FARS2: variants seen among roughly 807,000 people sequenced by gnomAD.
The protein encoded by FARS2 is phenylalanine--tRNA ligase, mitochondrial.
A neutral mutation model predicts 46.4 loss-of-function variants in FARS2; 40 were observed. The ratio of observed to expected loss-of-function variants is 0.86; its 90% CI spans 0.67 to 1.12. FARS2 has a LOEUF of 1.12. Ranked by LOEUF, FARS2 falls within the 50% of genes most tolerant of loss-of-function variation. The pLI is 0.00. For synonymous variants in FARS2, 234 were observed against 214.9 expected (o/e 1.09, Z -0.78); for missense variants, 513 against 567.9 (o/e 0.90, Z 0.98).
upstream of FARS2, among the ~76,000 whole-genome samples, chr6:5,260,009 G>C (rs181812741): frequency 6.6e-6 from 1 of 152,174 alleles, no homozygotes; most frequent in Admixed American, 6.5e-5. Flanking sequence ...TGTGAGTTTA[G>C]GCCCTCAATA....
At position 5,535,548 on chromosome 6, in the gene FARS2, C is replaced by T. The variant is rs1403022048; in HGVS notation, c.905-9632C>T. ...GTTACAACTTTTAGTGCTATACTGA[C>T]TAGTAGCGGTGACTGTGAGCATCTT... On this transcript the variant is annotated intron_variant, in intron 4 of 6. Coordinates refer to ENST00000274680, the MANE Select transcript of FARS2 (RefSeq NM_006567.5). Among the ~76,000 whole-genome samples, 3 of 152,266 alleles carry T rather than the reference C, an allele frequency of 2.0e-5. No homozygotes were observed. In the East Asian group the frequency reaches 5.8e-4, roughly 29 times the overall value.
Position 5,481,424 on chromosome 6 carries a change from CAG to C in FARS2, c.904+50253_904+50254del, listed in dbSNP as rs1385196035. Among the ~76,000 whole-genome samples, 3 of 152,210 alleles carry C rather than the reference CAG, an allele frequency of 2.0e-5. No homozygotes were observed. The South Asian group carries it at 6.2e-4, about 32-fold the overall frequency. ...CACATTGCAAGCTGTCCATTGGACA[CAG>C]GGCAAGTTGTAATTACTACCACAGT... On this transcript the variant is annotated intron_variant, in intron 4 of 6. Transcript: ENST00000274680.
intron 6 of FARS2, among the ~76,000 whole-genome samples, chr6:5,742,695 G>A (rs755061314): frequency 1.3e-5 from 2 of 151,808 alleles, no homozygotes; most frequent in Non-Finnish European, 1.5e-5. Flanking sequence ...TGCTTTTTGA[G>A]TGTCTGAAAA....
At chr6:5,494,274 C>T (rs2150367006) in intron 4 of FARS2, among the ~76,000 whole-genome samples, 1 of 152,178 alleles carries the variant, frequency 6.6e-6, no homozygotes, top group South Asian at 2.1e-4. Flanking sequence ...ACCATAATAC[C>T]TTCAAAGAAA....
At chr6:5,505,800 C>T (rs1768066892) in intron 4 of FARS2, among the ~76,000 whole-genome samples, 1 of 152,178 alleles carries the variant, frequency 6.6e-6, no homozygotes, top group African/African-American at 2.4e-5. Context: ...AGAATGAAAA[C>T]AGTATGTTTG....
At chr6:5,550,293 A>G (rs768123881) in intron 5 of FARS2, among the ~76,000 whole-genome samples, 1 of 152,110 alleles carries the variant, frequency 6.6e-6, no homozygotes, top group Non-Finnish European at 1.5e-5. Context: ...TTATTTATTT[A>G]TGAGGCCAGG....
chr6:5,376,129 A>G lies in FARS2; in HGVS notation c.612+6947A>G, dbSNP rs536848024. 5.3e-5 allele frequency among the ~76,000 whole-genome samples: 8 copies of G among 152,140 alleles called. No homozygotes were observed. In the South Asian group the frequency reaches 1.5e-3, roughly 28 times the overall value. Reference sequence around the variant, plus strand: ...ACTTTCTTTTACATGATCACTACCAATCTTCTGTCAATCTTTCGACACTGT... The same window carrying G: ...ACTTTCTTTTACATGATCACTACCAGTCTTCTGTCAATCTTTCGACACTGT... On this transcript the variant is annotated intron_variant, in intron 2 of 6. Transcript: ENST00000274680.
chr6:5,603,468 C>T (rs752850477), intron 5 of FARS2, among the ~76,000 whole-genome samples: 2 of 152,210 alleles, frequency 1.3e-5, no homozygotes, highest in Non-Finnish European at 1.5e-5. Flanking sequence ...CCACAGCCAG[C>T]GTGGCTTCAA....
At position 5,556,862 on chromosome 6, in the gene FARS2, A is replaced by G. The variant is rs558805213; in HGVS notation, c.1065+11522A>G. Among the ~76,000 whole-genome samples, 22 of 152,216 alleles carry G rather than the reference A, an allele frequency of 1.4e-4. No homozygotes were observed. The South Asian group carries it at 4.4e-3, about 30-fold the overall frequency. ...CTTTCTATTTATAGATAGCATATTAAACCTTAAATCTTGCCAACAGTCTAT... is the reference window on the plus strand; with the variant it reads ...CTTTCTATTTATAGATAGCATATTAGACCTTAAATCTTGCCAACAGTCTAT... On this transcript the variant is annotated intron_variant, in intron 5 of 6. Coordinates refer to ENST00000274680, the MANE Select transcript of FARS2 (RefSeq NM_006567.5).
chr6:5,303,105 A>G (rs1768438768), intron 1 of FARS2, among the ~76,000 whole-genome samples: 1 of 152,230 alleles, frequency 6.6e-6, no homozygotes, highest in Non-Finnish European at 1.5e-5. Context: ...TCCCAAGATC[A>G]TACAGGGAGA....
At chr6:5,349,283 T>C (rs766740438) in intron 1 of FARS2, among the ~76,000 whole-genome samples, 15 of 152,174 alleles carry the variant, frequency 9.9e-5, no homozygotes, top group African/African-American at 3.4e-4. Flanking sequence ...CAAAACATAT[T>C]GGATCTGTAT....
intron 6 of FARS2, among the ~76,000 whole-genome samples, chr6:5,729,463 G>C (rs886867197): frequency 4.6e-5 from 7 of 152,220 alleles, no homozygotes; most frequent in Non-Finnish European, 8.8e-5. Flanking sequence ...AATGGGCAAA[G>C]GCAGCTGAGT....
chr6:5,421,841 C>T (rs1036790244), intron 3 of FARS2, among the ~76,000 whole-genome samples: 29 of 152,224 alleles, frequency 1.9e-4, no homozygotes, highest in Non-Finnish European at 3.5e-4. Flanking sequence ...CAACAAGTCT[C>T]TAGGGAATTT....
In FARS2 at chr6:5,532,783, TAAGAAG is replaced by T. The variant is rs756604628; in HGVS notation, c.905-12373_905-12368del. On this transcript the variant is annotated intron_variant, in intron 4 of 6. Coordinates refer to ENST00000274680, the MANE Select transcript of FARS2 (RefSeq NM_006567.5). Reference sequence around the variant, plus strand: ...GTAGTAGTAATAATAATAATAATAATAAGAAGAAGAAGAAGAAGAAGAAGAAGAATG... The same window carrying T: ...GTAGTAGTAATAATAATAATAATAATAAGAAGAAGAAGAAGAAGAAGAATG... 7.0e-3 allele frequency among the ~76,000 whole-genome samples: 972 copies of T among 138,728 alleles called. 10 individuals carry two copies. The highest frequency in any genetic ancestry group is 0.027 in the African/African-American group (872 of 32,886). The allele number at this position is 138,728 out of a possible 152,430, so 91.0% of individuals were successfully genotyped here.
rs188183067 is a variant in FARS2 at position 5,642,274 on chromosome 6, C to A, written c.1217+28954C>A. On this transcript the variant is annotated intron_variant, in intron 6 of 6. Coordinates refer to ENST00000274680, the MANE Select transcript of FARS2 (RefSeq NM_006567.5). ...GAGGAATAGGTTTATTTCTCTAGGG[C>A]ACTATAAAGGTAGAGTGATAGACTT... Among the ~76,000 whole-genome samples, 560 of 152,196 alleles carry A rather than the reference C, an allele frequency of 3.7e-3. 3 individuals carry two copies. Among genetic ancestry groups the A allele is most frequent in the Admixed American group, 0.016 (251 of 15,294 alleles).
intron 1 of FARS2, among the ~76,000 whole-genome samples, 180 bp downstream of exon 1, chr6:5,261,840 G>A (rs185373596): frequency 3.3e-5 from 5 of 152,216 alleles, no homozygotes; most frequent in African/African-American, 9.6e-5. Context: ...AGACTTTGGA[G>A]AATAATTAGA....
chr6:5,476,330 T>C, intron 4 of FARS2, among the ~76,000 whole-genome samples: 1 of 152,248 alleles, frequency 6.6e-6, no homozygotes. Flanking sequence ...TGATGTTTTC[T>C]TTTATATCAC....
At chr6:5,459,620 C>T (rs1765119636) in intron 4 of FARS2, among the ~76,000 whole-genome samples, 1 of 152,140 alleles carries the variant, frequency 6.6e-6, no homozygotes, top group South Asian at 2.1e-4. Context: ...GATGCAGAGA[C>T]TCCATGTCAC....
chr6:5,754,016 A>G (rs1369917194), intron 6 of FARS2, among the ~76,000 whole-genome samples: 2 of 152,246 alleles, frequency 1.3e-5, no homozygotes, highest in African/African-American at 4.8e-5. Context: ...ATAACTTTTT[A>G]TTAATCTAAA....
Sources: allele counts gnomAD v4.1 joint callset (sites outside exome capture counted in the v4.1 genomes callset), GRCh38; gene constraint gnomAD v4.1.1; transcripts MANE v1.5; gene names NCBI Gene and HGNC (gene_info 2026-07-23, HGNC 2026-07-21).